PCDHGA9: variants seen among roughly 807,000 people sequenced by gnomAD.
PCDHGA9 encodes the protein protocadherin gamma subfamily A, 9, also known as protocadherin gamma-A9.
A neutral mutation model predicts 62.5 loss-of-function variants in PCDHGA9; 37 were observed. The ratio of observed to expected loss-of-function variants is 0.59; its 90% confidence interval spans 0.46 to 0.78. PCDHGA9 has a LOEUF of 0.78. Among genes scored for constraint, PCDHGA9 ranks in the 30% least tolerant of loss-of-function variants. The pLI, the probability that PCDHGA9 is intolerant of heterozygous loss-of-function variation, is 0.00. For missense variants in PCDHGA9, 1,138 were observed against 1,166.2 expected (o/e 0.98, Z 0.35); for synonymous variants, 459 against 484.6 (o/e 0.95, Z 0.69).
At chr5:141,426,374 C>G (rs908991939) in intron 1 of PCDHGA9, 2 of 219,094 alleles carry the variant, frequency 9.1e-6, no homozygotes, top group East Asian at 1.0e-4. Flanking sequence ...GGGGCACCCT[C>G]GGAGCAGATC....
intron 1 of PCDHGA9, chr5:141,433,227 T>C (rs1178649427): frequency 6.5e-6 from 10 of 1,528,034 alleles, no homozygotes; most frequent in Non-Finnish European, 8.9e-6. Context: ...TTTTAATTGC[T>C]CTGTCTCCCA....
In PCDHGA9 at chr5:141,404,640, T is replaced by C. The variant is rs368593595; in HGVS notation, c.1688T>C (p.Leu563Pro). Residue 563 changes from leucine (L) to proline (P), a missense_variant, in exon 1 of 4, where the codon CTG becomes CCG. Transcript: ENST00000573521. The part of the protein sequence containing the change: ...LDQNDNAPEI[L>P]YPALPTDGST... ...CAGAATGACAATGCCCCAGAAATCC[T>C]GTACCCTGCCCTCCCCACTGATGGT... 26 of 1,614,092 alleles carry C rather than the reference T, an allele frequency of 1.6e-5. No individual in the cohort carries two copies. The highest frequency in any genetic ancestry group is 2.2e-5 in the East Asian group (1 of 44,890).
At chr5:141,419,432 C>A (rs2096381830) in intron 1 of PCDHGA9, 1 of 1,613,160 alleles carries the variant, frequency 6.2e-7, no homozygotes, top group Non-Finnish European at 8.5e-7. Flanking sequence ...CCACGAGCAG[C>A]TGCGCACCTT....
intron 1 of PCDHGA9, among the ~76,000 whole-genome samples, chr5:141,466,008 G>C (rs1298363274): frequency 6.6e-6 from 1 of 151,970 alleles, no homozygotes; most frequent in Non-Finnish European, 1.5e-5. Flanking sequence ...TGTAGTCCCA[G>C]CTACTCGGGA....
intron 2 of PCDHGA9, among the ~76,000 whole-genome samples, chr5:141,500,184 T>TTTTTTTTATTTATTTA (rs1554186429): frequency 7.4e-6 from 1 of 135,886 alleles, no homozygotes; most frequent in African/African-American, 2.7e-5. Flanking sequence ...TCATTTTTAT[T>TTTTTTTTATTTATTTA]TTTATTTATT....
At position 141,430,969 on chromosome 5, in the gene PCDHGA9, T is replaced by C. The variant is rs560722324; in HGVS notation, c.2424+25593T>C. The C allele has an allele frequency of 1.5e-4, 246 of 1,613,012 alleles. 3 individuals carry two copies. The South Asian group carries it at 2.6e-3, about 17-fold the overall frequency. The stretch of plus-strand genomic sequence containing the variant: ...GCGGAGTCCGCATCATCCCCAGAGG[T>C]AGGACGCAGCTTTTCGCCCTGAATC... On this transcript the variant is annotated intron_variant, in intron 1 of 3. Transcript: ENST00000573521.
At chr5:141,410,047 A>G in intron 1 of PCDHGA9, 1 of 1,612,420 alleles carries the variant, frequency 6.2e-7, no homozygotes. Flanking sequence ...GTGAGCCCGG[A>G]CTCTTCAGCC....
rs376773009 is a variant in PCDHGA9, at chr5:141,511,838, C to T, written c.*665C>T. 64 of 156,854 alleles carry T rather than the reference C, an allele frequency of 4.1e-4. No homozygotes were observed. Among genetic ancestry groups the T allele is most frequent in the Non-Finnish European group, 6.8e-4 (48 of 70,726 alleles). The allele number at this position is 156,854 out of a possible 1,614,324, so 9.7% of individuals were successfully genotyped here. A position where few individuals can be genotyped will look rare whatever the true frequency, so the allele number is the denominator to read the frequency against. ...TCTTCCCAACGCCCTGGGGACCAGTCTTCTGTTTTGTTTTTCATTGTTTGA... is the reference window on the plus strand; with the variant it reads ...TCTTCCCAACGCCCTGGGGACCAGTTTTCTGTTTTGTTTTTCATTGTTTGA... On this transcript the variant is annotated 3_prime_UTR_variant, in exon 4 of 4. Transcript: ENST00000573521.
In PCDHGA9 at chr5:141,511,007, G is replaced by C. The variant is rs780918754; in HGVS notation, c.2633G>C (p.Arg878Pro). Residue 878 changes from arginine to proline, a missense_variant, in exon 4 of 4, where the codon CGC (arginine) becomes CCC (proline). Physicochemically the swap from Arg to Pro is moderately radical, Grantham distance 103. Coordinates refer to ENST00000573521, the MANE Select transcript of PCDHGA9 (RefSeq NM_018921.3). Reference protein sequence around the residue: ...GGAGTMGLSARYGPQFTLQHV... With the variant: ...GGAGTMGLSAPYGPQFTLQHV... ...GCCGGCACCATGGGATTGAGCGCCC[G>C]CTACGGACCCCAGTTCACCCTGCAG... The C allele has an allele frequency of 1.9e-6, 3 of 1,614,042 alleles. No homozygotes were observed. The highest frequency in any genetic ancestry group is 2.7e-5 in the African/African-American group (2 of 74,910).
At chr5:141,506,597 C>T (rs937487600) in intron 3 of PCDHGA9, among the ~76,000 whole-genome samples, 4 of 152,150 alleles carry the variant, frequency 2.6e-5, no homozygotes, top group Admixed American at 6.5e-5. Context: ...ACAGTATTAA[C>T]GGATCTCATT....
At chr5:141,505,241 T>C in intron 2 of PCDHGA9, 152 bp from the exon 3 acceptor site, 3 of 1,396,292 alleles carry the variant, frequency 2.1e-6, no homozygotes, top group South Asian at 1.4e-5. Flanking sequence ...TTCTGAAGGA[T>C]TGTAGAAGTG....
intron 3 of PCDHGA9, chr5:141,508,128 T>C (rs1490298338): frequency 6.6e-6 from 1 of 151,706 alleles, no homozygotes; most frequent in African/African-American, 2.4e-5. Context: ...CAGAGGGAGG[T>C]CAGGGAGCTG....
Position 141,432,320 on chromosome 5 carries a change from G to A in PCDHGA9, c.2424+26944G>A, listed in dbSNP as rs369088426. 4 of 1,614,120 alleles carry A rather than the reference G, an allele frequency of 2.5e-6. No individual in the cohort carries two copies. The African/African-American group carries it at 4.0e-5, about 16-fold the overall frequency. On this transcript the variant is annotated intron_variant, in intron 1 of 3. Coordinates refer to ENST00000573521, the MANE Select transcript of PCDHGA9 (RefSeq NM_018921.3). The surrounding 1 kb of genome is among the most constrained non-coding windows in gnomAD (Gnocchi z 6.0). ...GGTACTGTATGCGCTGAGCTCCTTC[G>A]ACTACGAGCAGTTCCGAGACTTGCA...
rs2097422953 is a variant in PCDHGA9 at position 141,431,840 on chromosome 5, C to A, written c.2424+26464C>A. The A allele has an allele frequency of 1.9e-6, 3 of 1,614,248 alleles. No homozygotes were observed. The highest frequency in any genetic ancestry group is 1.6e-4 in the Middle Eastern group (1 of 6,062). ...CGCCAGCTCGGTTCCCGAAAACTCT[C>A]CCAGAGGGACATTAATTGCCCTTTT... On this transcript the variant is annotated intron_variant, in intron 1 of 3. Transcript: ENST00000573521. The surrounding 1 kb of genome is among the most constrained non-coding windows in gnomAD (Gnocchi z 4.8).
At chr5:141,480,653 T>C (rs1214823403) in intron 1 of PCDHGA9, among the ~76,000 whole-genome samples, 2 of 152,190 alleles carry the variant, frequency 1.3e-5, no homozygotes, top group Admixed American at 1.3e-4. Context: ...TGGTTGCACA[T>C]TAAAATCACC....
Position 141,490,795 on chromosome 5 carries a change from C to G in PCDHGA9, c.2425-4012C>G. The G allele has an allele frequency of 6.2e-7, 1 of 1,614,036 alleles. No homozygotes were observed. The highest frequency in any genetic ancestry group is 1.1e-5 in the South Asian group (1 of 91,084). Reference sequence around the variant, plus strand: ...CCCAGAGGATGGACGGATCTTTGCCCAGCGTACCTTTGACTATGAATTGCT... The same window carrying G: ...CCCAGAGGATGGACGGATCTTTGCCGAGCGTACCTTTGACTATGAATTGCT... On this transcript the variant is annotated intron_variant, in intron 1 of 3. Transcript: ENST00000573521. This position sits in a 1 kb window ranked among gnomAD's most constrained non-coding sequence, Gnocchi z 5.4.
intron 1 of PCDHGA9, chr5:141,413,112 G>A (rs1589839162): frequency 6.7e-7 from 1 of 1,502,662 alleles, no homozygotes; most frequent in East Asian, 2.3e-5. Flanking sequence ...GAAAGACAAA[G>A]GAACCGGTTG....
chr5:141,461,216 T>C (rs1050704259), intron 1 of PCDHGA9, among the ~76,000 whole-genome samples: 2 of 152,168 alleles, frequency 1.3e-5, no homozygotes, highest in African/African-American at 4.8e-5. Flanking sequence ...ATCTCCATAC[T>C]GTTTTCCATA....
At chr5:141,446,339 G>A (rs1455819111) in intron 1 of PCDHGA9, among the ~76,000 whole-genome samples, 1 of 152,164 alleles carries the variant, frequency 6.6e-6, no homozygotes, top group Non-Finnish European at 1.5e-5. Flanking sequence ...GAACTGGATG[G>A]ACAAAGCTAC....
Sources: allele counts gnomAD v4.1 joint callset (sites outside exome capture counted in the v4.1 genomes callset), GRCh38; gene constraint gnomAD v4.1.1; non-coding constraint Gnocchi (gnomAD v3.1); transcripts MANE v1.5; gene names NCBI Gene and HGNC (gene_info 2026-07-23, HGNC 2026-07-21).